ARMCX4: variants seen among roughly 807,000 people sequenced by gnomAD.
The protein encoded by ARMCX4 is armadillo repeat containing X-linked 4.
A neutral mutation model predicts 34.7 loss-of-function variants in ARMCX4; 3 were observed. That is an observed-to-expected ratio of 0.09 (90% CI 0.04 to 0.22). The LOEUF is 0.22. ARMCX4 is among the 10% of genes least tolerant of loss of function. The probability of loss-of-function intolerance (pLI) is 1.00; values close to 1 mark genes in which losing one functional copy is unlikely to be tolerated. For synonymous variants in ARMCX4, 513 were observed against 632.8 expected, an observed-to-expected ratio of 0.81 and a Z score of 2.84; for missense variants, 1,448 against 1,720.8, an observed-to-expected ratio of 0.84 and a Z score of 2.81.
chrX:101,428,872 C>CTT (rs57998955), intron 2 of ARMCX4, among the ~76,000 whole-genome samples: 28 of 66,242 alleles, frequency 4.2e-4, no homozygotes, highest in African/African-American at 5.4e-4. Flanking sequence ...ATTTCTTTTC[C>CTT]TTTTTTTTTT....
chrX:101,462,798 T>C (rs1932681822), intron 4 of ARMCX4, among the ~76,000 whole-genome samples: 1 of 111,801 alleles, frequency 8.9e-6, no homozygotes, highest in Non-Finnish European at 1.9e-5. Context: ...ATGTATCTAC[T>C]TATGTGTGTG....
intron 4 of ARMCX4, among the ~76,000 whole-genome samples, chrX:101,468,383 C>G (rs1279513938): frequency 1.8e-5 from 2 of 109,256 alleles, no homozygotes; most frequent in Admixed American, 2.0e-4. Context: ...CTCGGCCTTC[C>G]TGGGTCCAGG....
intron 11 of ARMCX4, among the ~76,000 whole-genome samples, chrX:101,512,702 G>A (rs1284093951): frequency 9.3e-6 from 1 of 108,037 alleles, no homozygotes; most frequent in Non-Finnish European, 1.9e-5. Context: ...GTTGTATTCT[G>A]TATTAGGACT....
At chrX:101,433,000 A>G (rs1423804513) in intron 2 of ARMCX4, among the ~76,000 whole-genome samples, 2 of 107,523 alleles carry the variant, frequency 1.9e-5, no homozygotes, top group East Asian at 6.1e-4. Flanking sequence ...GTATACATAT[A>G]TGTGTATATA....
In ARMCX4 at chrX:101,485,866, A is replaced by G. The variant is rs1933679247; in HGVS notation, c.-436-157A>G. Among the ~76,000 whole-genome samples, 3 of 111,477 alleles carry G rather than the reference A, an allele frequency of 2.7e-5. No homozygotes were observed. The South Asian group carries it at 1.1e-3, about 42-fold the overall frequency. ...TTGCAGAGAAAATGGTGGGCCTTAG[A>G]GACTGGACGGTGGGGTTGGTAAGGG... is the stretch of plus-strand genomic sequence containing the variant. On this transcript the variant is annotated intron_variant, in intron 1 of 5. Coordinates refer to ENST00000423738, the MANE Select transcript of ARMCX4 (RefSeq NM_001256155.3).
downstream of ARMCX4, chrX:101,498,226 T>C (rs1556012503): frequency 3.1e-6 from 1 of 326,156 alleles, no homozygotes; most frequent in Non-Finnish European, 5.9e-6. Context: ...GAAGCCAACC[T>C]GCAACAGTTG....
chrX:101,497,881 C>T (rs782661071), downstream of ARMCX4, among the ~76,000 whole-genome samples: 150 of 111,891 alleles, frequency 1.3e-3, no homozygotes, highest in African/African-American at 4.7e-3. Flanking sequence ...GTAGTGGATT[C>T]TACCATCTGC....
At position 101,432,995 on chromosome X, in the gene ARMCX4, CAT is replaced by C. The variant is rs1491415564; in HGVS notation, n.165-11052_165-11051del. On this transcript the variant is annotated intron_variant and non_coding_transcript_variant, in intron 2 of 3. Transcript: ENST00000430461. The stretch of plus-strand genomic sequence containing the variant: ...ATGTGTATATATACACACATGTATA[CAT>C]ATATGTGTATATATACACATATGTA... Among the ~76,000 whole-genome samples the C allele has an allele frequency of 1.2e-3, 113 of 96,739 alleles. 3 individuals are homozygous for C. The highest frequency in any genetic ancestry group is 0.011 in the Admixed American group (106 of 9,238). The allele number at this position is 96,739 out of a possible 115,157, so 84.0% of individuals were successfully genotyped here.
chrX:101,521,552 A>G (rs1208670392), intron 11 of ARMCX4, among the ~76,000 whole-genome samples: 1 of 109,205 alleles, frequency 9.2e-6, no homozygotes, highest in African/African-American at 3.3e-5. Context: ...ATTCTGTTTC[A>G]TTTGTCTCCT....
intron 11 of ARMCX4, among the ~76,000 whole-genome samples, chrX:101,519,112 C>T (rs1265889902): frequency 1.8e-5 from 2 of 111,188 alleles, no homozygotes; most frequent in Non-Finnish European, 3.8e-5. Context: ...TTTCACTTGG[C>T]TGCCTTTGAT....
chrX:101,497,274 T>C (rs782188781), downstream of ARMCX4, among the ~76,000 whole-genome samples: 142 of 110,572 alleles, frequency 1.3e-3, 1 homozygote, highest in African/African-American at 4.4e-3. Flanking sequence ...TCTCCCTCTG[T>C]CGCCCAGGCT....
At position 101,488,558 on chromosome X, in the gene ARMCX4, A is replaced by G. The variant is rs782451753; in HGVS notation, c.-32A>G. 8.7e-7 allele frequency: 1 copy of G among 1,153,783 alleles called. No individual in the cohort carries two copies. The highest frequency in any genetic ancestry group is 1.8e-5 in the African/African-American group (1 of 55,565). ...CCCCAGCCCGAGTGCGCTCTACCAT[A>G]CCTTGTTCGTGCTTTTAGCAGGGGT... On this transcript the variant is annotated 5_prime_UTR_variant, in exon 6 of 6. In the 5' UTR this introduces an upstream ATG that the reference lacks. Transcript: ENST00000423738.
rs1370613023 is a variant in ARMCX4, at chrX:101,471,031, G to A, written c.-472-14992G>A. On this transcript the variant is annotated intron_variant and NMD_transcript_variant, in intron 4 of 15. Transcript: ENST00000433011. ...CAGCCATTCTAGTGGAAGTGTGGTG[G>A]AATGTCATTGTGTTTTCTATTTGCA... is the stretch of plus-strand genomic sequence containing the variant. Among the ~76,000 whole-genome samples the A allele has an allele frequency of 2.7e-5, 3 of 112,085 alleles. No individual in the cohort carries two copies. In the East Asian group the frequency reaches 8.3e-4, roughly 31 times the overall value.
intron 2 of ARMCX4, among the ~76,000 whole-genome samples, chrX:101,431,473 C>A (rs1555991940): frequency 8.9e-6 from 1 of 112,357 alleles, no homozygotes; most frequent in Non-Finnish European, 1.9e-5. Flanking sequence ...CAGAAGTTTA[C>A]AGTGTTTCCT....
rs192722584 is a variant in ARMCX4 at position 101,474,957 on chromosome X, C to T, written c.-472-11066C>T. ...TCAACATAGTGTTGGAAGTTCTGGCCAGGGCAATTAGGCAGGAGAAGGAAG... is the reference window on the plus strand; with the variant it reads ...TCAACATAGTGTTGGAAGTTCTGGCTAGGGCAATTAGGCAGGAGAAGGAAG... On this transcript the variant is annotated intron_variant and NMD_transcript_variant, in intron 4 of 15. Coordinates refer to the ARMCX4 transcript ENST00000433011. Among the ~76,000 whole-genome samples the T allele has an allele frequency of 9.3e-3, 878 of 94,140 alleles. 7 individuals are homozygous for T. The highest frequency in any genetic ancestry group is 0.033 in the African/African-American group (817 of 24,644). The allele number at this position is 94,140 out of a possible 115,157, so 81.7% of individuals were successfully genotyped here. A position where few individuals can be genotyped will look rare whatever the true frequency, so the allele number is the denominator to read the frequency against.
chrX:101,476,619 AG>A (rs1556004343), intron 4 of ARMCX4, among the ~76,000 whole-genome samples: 1 of 111,518 alleles, frequency 9.0e-6, no homozygotes, highest in East Asian at 2.8e-4. Flanking sequence ...TCTGGGTTAA[AG>A]AAGAAATAAA....
rs1261026889 is a variant in ARMCX4 at position 101,490,617 on chromosome X, C to T, written c.2028C>T (p.Ser676=). The part of the protein sequence containing the change: ...GTAQLQIMAS[S]KGEALLDSKN... Reference sequence around the variant, plus strand: ...CCCAGCTTCAGATTATGGCCAGTTCCAAGGGTGAGGCCTTGCTTGATTCTA... The same window carrying T: ...CCCAGCTTCAGATTATGGCCAGTTCTAAGGGTGAGGCCTTGCTTGATTCTA... The change falls in exon 6 of 6, where the codon TCC becomes TCT. Residue 676 remains serine (S), a synonymous_variant. Coordinates refer to ENST00000423738, the MANE Select transcript of ARMCX4 (RefSeq NM_001256155.3). The T allele has an allele frequency of 8.6e-7, 1 of 1,156,457 alleles. No individual in the cohort carries two copies. Among genetic ancestry groups the T allele is most frequent in the African/African-American group, 1.8e-5 (1 of 56,500 alleles).
upstream of ARMCX4, among the ~76,000 whole-genome samples, chrX:101,482,022 C>T (rs1417642329): frequency 1.8e-4 from 20 of 111,098 alleles, no homozygotes; most frequent in African/African-American, 6.6e-4. Flanking sequence ...TCACTTGAGG[C>T]CAGGAGTTTG....
At chrX:101,449,515 T>A (rs1354590964), downstream of ARMCX4, among the ~76,000 whole-genome samples, 1 of 112,359 alleles carries the variant, frequency 8.9e-6, no homozygotes. Flanking sequence ...TTCTTCAGTA[T>A]GCCAATTGCA....
Sources: gnomAD v4.1 joint callset for allele counts (sites outside exome capture counted in the v4.1 genomes callset) on GRCh38, gnomAD v4.1.1 for gene constraint, MANE v1.5 for transcripts, NCBI Gene and HGNC (gene_info 2026-07-23, HGNC 2026-07-21) for gene names.